Variants in TRIO observed in about 807,000 individuals in gnomAD.
TRIO encodes trio Rho guanine nucleotide exchange factor, also known as triple functional domain protein.
Under a neutral mutation model 351.9 loss-of-function variants are expected in TRIO, and 58 were observed. The observed-to-expected ratio is 0.16, with a 90% CI of 0.13 to 0.21. The LOEUF (loss-of-function observed/expected upper bound fraction) is 0.21, where lower values mean the gene tolerates loss of function less well. Among genes scored for constraint, TRIO ranks in the 10% least tolerant of loss-of-function variants. The pLI is 1.00. For missense variants in TRIO, 3,201 were observed against 4,027.8 expected, an observed-to-expected ratio of 0.79 and a Z score of 5.56; for synonymous variants, 1,758 against 1,595.7, an observed-to-expected ratio of 1.10 and a Z score of -2.42.
chr5:14,479,969 C>T lies in TRIO; in HGVS notation c.6294C>T (p.Ile2098=), dbSNP rs1164482398. ...GGTTACAGCTCACAGATCTGTTGAT[C>T]AAACCAGTGCAGAGAATCATGAAGT... ...GHRLQLTDLL[I]KPVQRIMKYQ... Residue 2098 remains isoleucine, a synonymous_variant, in exon 43 of 57, where the codon ATC becomes ATT. Coordinates refer to ENST00000344204, the MANE Select transcript of TRIO (RefSeq NM_007118.4). 3 of 1,613,994 alleles carry T rather than the reference C, an allele frequency of 1.9e-6. No individual in the cohort carries two copies. The African/African-American group carries it at 4.0e-5, about 22-fold the overall frequency.
chr5:14,257,227 C>T (rs1795073983), intron 1 of TRIO, among the ~76,000 whole-genome samples: 2 of 152,228 alleles, frequency 1.3e-5, no homozygotes. Context: ...CCTGCAGGCA[C>T]CTCCACCAGA....
intron 8 of TRIO, among the ~76,000 whole-genome samples, chr5:14,309,095 T>TC (rs1738674816): frequency 0.062 from 1 of 16 alleles, no homozygotes; most frequent in Admixed American, 0.5. Context: ...CATCCACACA[T>TC]TATCTACACA....
rs142171413 is a variant in TRIO at position 14,261,163 on chromosome 5, G to A, written c.158-9662G>A. On this transcript the variant is annotated intron_variant, in intron 1 of 56. Coordinates refer to ENST00000344204, the MANE Select transcript of TRIO (RefSeq NM_007118.4). ...ATAAGCCAAATTTTAAACCCAAATC[G>A]TGGTTCAGTGCTGGGAATTCAGTTC... 1.2e-4 allele frequency among the ~76,000 whole-genome samples: 19 copies of A among 152,328 alleles called. No individual in the cohort carries two copies. In the East Asian group the frequency reaches 1.9e-3, roughly 15 times the overall value.
At position 14,488,183 on chromosome 5, in the gene TRIO, C is replaced by G; in HGVS notation, c.7555C>G (p.Pro2519Ala). 6.2e-7 allele frequency: 1 copy of G among 1,600,628 alleles called. No individual in the cohort carries two copies. The highest frequency in any genetic ancestry group is 1.1e-5 in the South Asian group (1 of 90,478). ...LQRQTPRHAA[P>A]GKDTDRMSTC... Reference sequence around the variant, plus strand: ...GCGGCAGACACCCCGCCACGCGGCCCCTGGCAAGGATACTGACCGCATGAG... The same window carrying G: ...GCGGCAGACACCCCGCCACGCGGCCGCTGGCAAGGATACTGACCGCATGAG... The change falls in exon 48 of 57, where the codon CCT (proline) becomes GCT (alanine). Residue 2519 changes from proline to alanine, a missense_variant. By Grantham distance (27) the Pro-to-Ala change is conservative. Transcript: ENST00000344204.
chr5:14,209,304 A>G (rs1791735168), intron 1 of TRIO, among the ~76,000 whole-genome samples: 1 of 152,216 alleles, frequency 6.6e-6, no homozygotes, highest in Admixed American at 6.5e-5. Context: ...GTCAGGAACT[A>G]TATTTGCCAT....
intron 17 of TRIO, 37 bp downstream of exon 17, chr5:14,368,936 T>TA: frequency 6.3e-7 from 1 of 1,582,714 alleles, no homozygotes; most frequent in Non-Finnish European, 8.6e-7. Context: ...ACTCCACTGA[T>TA]ACTTTATTTT....
chr5:14,186,060 T>G (rs565870940), intron 1 of TRIO, among the ~76,000 whole-genome samples: 1 of 152,292 alleles, frequency 6.6e-6, no homozygotes, highest in East Asian at 1.9e-4. Context: ...TACACCCAAT[T>G]AGCACTACTG....
chr5:14,482,410 T>C (rs1199607438), intron 45 of TRIO, 172 bp from the exon 46 acceptor site: 1 of 452,074 alleles, frequency 2.2e-6, no homozygotes, highest in Non-Finnish European at 3.7e-6. Context: ...TTTAGATAAT[T>C]ATTCTGTTTA....
intron 1 of TRIO, among the ~76,000 whole-genome samples, chr5:14,254,221 T>A (rs1379386738): frequency 6.6e-6 from 1 of 151,496 alleles, no homozygotes; most frequent in African/African-American, 2.4e-5. Context: ...TCTTGCTTTG[T>A]CACCCAGGCT....
At chr5:14,187,763 G>A (rs1212818919) in intron 1 of TRIO, among the ~76,000 whole-genome samples, 2 of 152,046 alleles carry the variant, frequency 1.3e-5, no homozygotes, top group African/African-American at 4.8e-5. Context: ...TTTAGGTGTT[G>A]CGTTCTGTGG....
chr5:14,440,563 A>T (rs1171175204), intron 34 of TRIO, among the ~76,000 whole-genome samples: 1 of 152,278 alleles, frequency 6.6e-6, no homozygotes, highest in African/African-American at 2.4e-5. Flanking sequence ...AACTCCTTAT[A>T]GTTCGCATGC....
intron 7 of TRIO, among the ~76,000 whole-genome samples, chr5:14,302,940 T>G (rs1738029033): frequency 6.6e-6 from 1 of 152,254 alleles, no homozygotes; most frequent in Non-Finnish European, 1.5e-5. Context: ...CGATAGGATC[T>G]CCCTAGGAAA....
At chr5:14,413,603 A>C (rs1749383081) in intron 33 of TRIO, among the ~76,000 whole-genome samples, 1 of 152,040 alleles carries the variant, frequency 6.6e-6, no homozygotes, top group Non-Finnish European at 1.5e-5. Context: ...ATTTTTTTAG[A>C]TGAGTTTTTT....
chr5:14,173,336 G>A (rs1789216009), intron 1 of TRIO, among the ~76,000 whole-genome samples: 2 of 151,178 alleles, frequency 1.3e-5, no homozygotes, highest in South Asian at 4.2e-4. Context: ...TCAGCCTCCC[G>A]AGTAGCTGGG....
intron 20 of TRIO, among the ~76,000 whole-genome samples, chr5:14,378,664 A>G (rs1256309909): frequency 6.6e-6 from 1 of 151,510 alleles, no homozygotes; most frequent in Non-Finnish European, 1.5e-5. Flanking sequence ...GGTTCAAGTG[A>G]TTCTCCTGCC....
At position 14,155,444 on chromosome 5, in the gene TRIO, A is replaced by G. The variant is rs2152117827; in HGVS notation, c.157+11562A>G. Among the ~76,000 whole-genome samples, 2 of 152,212 alleles carry G rather than the reference A, an allele frequency of 1.3e-5. 1 individual carries two copies. The highest frequency in any genetic ancestry group is 4.8e-5 in the African/African-American group (2 of 41,534). The stretch of plus-strand genomic sequence containing the variant: ...TCACTAACTTTAACACCTTTTTACC[A>G]ATTGTCTCAGGATTGTCCTTTTTGG... On this transcript the variant is annotated intron_variant, in intron 1 of 56. Transcript: ENST00000344204.
chr5:14,285,830 T>A (rs902861546), intron 3 of TRIO, among the ~76,000 whole-genome samples: 3 of 152,176 alleles, frequency 2.0e-5, no homozygotes, highest in African/African-American at 7.2e-5. Flanking sequence ...CGTTACCTGG[T>A]TACTGTCTGG....
chr5:14,459,025 A>G (rs1183538605), intron 34 of TRIO, among the ~76,000 whole-genome samples: 1 of 152,244 alleles, frequency 6.6e-6, no homozygotes, highest in Non-Finnish European at 1.5e-5. Flanking sequence ...GGAAAGGGTT[A>G]TCATTCTTTA....
intron 1 of TRIO, among the ~76,000 whole-genome samples, chr5:14,190,156 T>C (rs554087825): frequency 7.9e-5 from 12 of 152,248 alleles, no homozygotes; most frequent in African/African-American, 2.9e-4. Flanking sequence ...GCTACTAGTT[T>C]TTGAATAGAG....
Sources: gnomAD v4.1 joint callset for allele counts (sites outside exome capture counted in the v4.1 genomes callset) on GRCh38, gnomAD v4.1.1 for gene constraint, MANE v1.5 for transcripts, NCBI Gene and HGNC (gene_info 2026-07-23, HGNC 2026-07-21) for gene names.